Variants in SH3PXD2A observed in about 807,000 individuals in gnomAD.
SH3PXD2A encodes the protein SH3 and PX domain-containing protein 2A.
SH3PXD2A carries 32 observed loss-of-function variants against 115.2 expected under a neutral mutation model. The ratio of observed to expected loss-of-function variants is 0.28; its 90% CI spans 0.21 to 0.37. The LOEUF is 0.37. Ranked by LOEUF, SH3PXD2A falls within the 10% of genes least tolerant of loss-of-function variation. SH3PXD2A has a pLI of 1.00. For missense variants in SH3PXD2A, 1,328 were observed against 1,498.7 expected (o/e 0.89, Z 1.88); for synonymous variants, 610 against 629.1 (o/e 0.97, Z 0.45).
intron 1 of SH3PXD2A, among the ~76,000 whole-genome samples, chr10:103,815,914 G>T: frequency 6.6e-6 from 1 of 151,628 alleles, no homozygotes; most frequent in South Asian, 2.1e-4. Context: ...AAAAGAAAAA[G>T]AAAAATACTG....
chr10:103,779,151 C>T (rs186540152), intron 2 of SH3PXD2A, among the ~76,000 whole-genome samples: 12 of 152,366 alleles, frequency 7.9e-5, no homozygotes, highest in Admixed American at 2.0e-4. Flanking sequence ...TCACTGCAAT[C>T]TCTGCCTCCC....
chr10:103,778,802 C>A (rs888977427), intron 2 of SH3PXD2A, among the ~76,000 whole-genome samples: 3 of 152,174 alleles, frequency 2.0e-5, no homozygotes, highest in Admixed American at 2.0e-4. Flanking sequence ...AGCTGTAAGG[C>A]CTTTTGGGTT....
rs574347609 is a variant in SH3PXD2A, at chr10:103,746,468, C to T, written c.230-10660G>A. Among the ~76,000 whole-genome samples the T allele has an allele frequency of 9.2e-5, 14 of 152,170 alleles. 1 individual carries two copies. The South Asian group carries it at 1.7e-3, about 18-fold the overall frequency. ...CGGAGTAGCTGGGATTACAGGCATG[C>T]GCCACCACACCAGGCTAATTTTTTG... is the stretch of plus-strand genomic sequence containing the variant. On this transcript the variant is annotated intron_variant, in intron 3 of 14. Coordinates refer to ENST00000369774, the MANE Select transcript of SH3PXD2A (RefSeq NM_001394015.1). The surrounding 1 kb of genome is among the most constrained non-coding windows in gnomAD (Gnocchi z 4.4).
In SH3PXD2A at chr10:103,608,151, A is replaced by AAAAAAAAAAAAAAAAAAGTTTAC. The variant is rs1554903075; in HGVS notation, c.1309-2235_1309-2234insGTAAACTTTTTTTTTTTTTTTTT. ...AGAAACACCCAAGAATGATCAATTT[A>AAAAAAAAAAAAAAAAAAGTTTAC]AAAAAAAAAAAAAAAAAAAGAACAC... On this transcript the variant is annotated intron_variant, in intron 13 of 14. Coordinates refer to ENST00000369774, the MANE Select transcript of SH3PXD2A (RefSeq NM_001394015.1). 1.8e-3 allele frequency among the ~76,000 whole-genome samples: 130 copies of AAAAAAAAAAAAAAAAAAGTTTAC among 71,286 alleles called. 7 individuals are homozygous for AAAAAAAAAAAAAAAAAAGTTTAC. Among genetic ancestry groups the AAAAAAAAAAAAAAAAAAGTTTAC allele is most frequent in the African/African-American group, 5.9e-3 (94 of 15,848 alleles). 46.8% of individuals were successfully genotyped at this position (71,286 alleles called of 152,430 possible).
intron 2 of SH3PXD2A, among the ~76,000 whole-genome samples, chr10:103,782,102 C>T (rs768456974): frequency 6.6e-6 from 1 of 152,162 alleles, no homozygotes; most frequent in Non-Finnish European, 1.5e-5. Context: ...GGGCTATGAC[C>T]TAACAAGGGA....
chr10:103,697,052 C>A (rs1160409120), intron 5 of SH3PXD2A, among the ~76,000 whole-genome samples: 1 of 152,102 alleles, frequency 6.6e-6, no homozygotes, highest in East Asian at 1.9e-4. Flanking sequence ...CTCTCTTGGC[C>A]CCTCCCCATA....
intron 7 of SH3PXD2A, among the ~76,000 whole-genome samples, chr10:103,663,969 C>A (rs527289996): frequency 5.3e-5 from 8 of 152,304 alleles, no homozygotes; most frequent in Non-Finnish European, 7.4e-5. Flanking sequence ...AACCAACAGC[C>A]GGGCAGTAGG....
chr10:103,673,319 T>C (rs999931310), intron 6 of SH3PXD2A: 1 of 152,178 alleles, frequency 6.6e-6, no homozygotes, highest in Non-Finnish European at 1.5e-5. Flanking sequence ...ATCCCAGCAC[T>C]TTGGGAGACC....
chr10:103,650,633 G>T (rs901581014), intron 8 of SH3PXD2A, among the ~76,000 whole-genome samples: 2 of 152,154 alleles, frequency 1.3e-5, no homozygotes, highest in African/African-American at 4.8e-5. Flanking sequence ...CCTTGTTCAA[G>T]GCCTACCTTC....
In SH3PXD2A at chr10:103,661,004, C is replaced by T; in HGVS notation, c.583G>A (p.Val195Ile). The change falls in exon 8 of 15, where the codon GTC becomes ATC. Residue 195 changes from valine to isoleucine, a missense_variant. Around this residue, in one of 5 missense-constraint regions of SH3PXD2A, gnomAD observed 509 missense variants for 628.3 expected, o/e 0.81. Coordinates refer to ENST00000369774, the MANE Select transcript of SH3PXD2A (RefSeq NM_001394015.1). ...TCACCGCTCTCGTTCTTCTCGATGA[C>T]ATCCACCACCTCCCCGGCCTGGAGG... ...LSLQAGEVVD[V>I]IEKNESGWWF... The T allele has an allele frequency of 6.2e-7, 1 of 1,614,134 alleles. No individual in the cohort carries two copies. Among genetic ancestry groups the T allele is most frequent in the Non-Finnish European group, 8.5e-7 (1 of 1,179,988 alleles).
At chr10:103,736,849 C>T in intron 3 of SH3PXD2A, 1 of 1,142,496 alleles carries the variant, frequency 8.8e-7, no homozygotes, top group Non-Finnish European at 1.2e-6. Context: ...ATCTTCCACT[C>T]CCAGTCCTTG....
chr10:103,682,290 G>A (rs1440624769), intron 6 of SH3PXD2A, among the ~76,000 whole-genome samples: 2 of 152,224 alleles, frequency 1.3e-5, no homozygotes, highest in Non-Finnish European at 2.9e-5. Flanking sequence ...GGAGCGTGGC[G>A]CAGACACACA....
chr10:103,636,905 GC>G (rs756607069), intron 8 of SH3PXD2A, among the ~76,000 whole-genome samples: 54 of 152,140 alleles, frequency 3.5e-4, no homozygotes, highest in Non-Finnish European at 5.7e-4. Flanking sequence ...TAGGATCCTA[GC>G]TTTACCACTC....
Position 103,602,726 on chromosome 10 carries a change from G to T in SH3PXD2A, c.2492C>A (p.Pro831Gln), listed in dbSNP as rs773787673. 6.2e-7 allele frequency: 1 copy of T among 1,614,150 alleles called. No individual in the cohort carries two copies. The highest frequency in any genetic ancestry group is 1.1e-5 in the South Asian group (1 of 91,068). Residue 831 changes from proline (P) to glutamine (Q), a missense_variant, in exon 15 of 15, where the codon CCA becomes CAA. This residue lies in a region of SH3PXD2A where 574 missense variants were observed against 565.7 expected (regional missense o/e 1.01). Transcript: ENST00000369774. ...TTCCCATTCCTTCTTGGTGGGACAT[G>T]GGGGAGTGGTGGCTGGGAGGGTGAT... is the stretch of plus-strand genomic sequence containing the variant. Reference protein sequence around the residue: ...DLITLPATTPPCPTKKEWEGP... With the variant: ...DLITLPATTPQCPTKKEWEGP...
intron 1 of SH3PXD2A, among the ~76,000 whole-genome samples, chr10:103,844,347 G>A (rs902065444): frequency 7.9e-5 from 12 of 152,178 alleles, no homozygotes; most frequent in Non-Finnish European, 1.6e-4. Context: ...ATGCCAGGCC[G>A]GCCAGGCCTC....
At chr10:103,782,114 A>C (rs1315264594) in intron 2 of SH3PXD2A, among the ~76,000 whole-genome samples, 1 of 152,222 alleles carries the variant, frequency 6.6e-6, no homozygotes, top group Middle Eastern at 3.2e-3. Flanking sequence ...AACAAGGGAA[A>C]GATCACACTG....
intron 6 of SH3PXD2A, among the ~76,000 whole-genome samples, chr10:103,687,177 A>T (rs987180831): frequency 3.9e-5 from 6 of 152,192 alleles, no homozygotes; most frequent in Non-Finnish European, 7.3e-5. Context: ...GTTTCCCTGA[A>T]GACATTTCAT....
intron 4 of SH3PXD2A, among the ~76,000 whole-genome samples, chr10:103,730,949 G>A (rs1237608364): frequency 6.6e-6 from 1 of 152,196 alleles, no homozygotes; most frequent in African/African-American, 2.4e-5. Context: ...GAGACTGAAT[G>A]TGCACCCAGG....
chr10:103,744,833 T>C (rs1173614578), intron 3 of SH3PXD2A, among the ~76,000 whole-genome samples: 1 of 152,216 alleles, frequency 6.6e-6, no homozygotes, highest in East Asian at 1.9e-4. Context: ...AATCTCTCTT[T>C]AGAGCCAAGA....
Sources: gnomAD v4.1 joint callset for allele counts (sites outside exome capture counted in the v4.1 genomes callset) on GRCh38, gnomAD v4.1.1 for gene constraint, gnomAD v4.1.1 regional missense constraint, Gnocchi (gnomAD v3.1) non-coding constraint, MANE v1.5 for transcripts, NCBI Gene and HGNC (gene_info 2026-07-23, HGNC 2026-07-21) for gene names.